CORIN: variants seen among roughly 807,000 people sequenced by gnomAD.
The protein encoded by CORIN is corin, serine peptidase.
CORIN carries 117 observed loss-of-function variants against 125.3 expected under a neutral mutation model. That is an observed-to-expected ratio of 0.93 (90% CI 0.80 to 1.09). CORIN has a LOEUF of 1.09. Ranked by LOEUF, CORIN falls within the 50% of genes least tolerant of loss-of-function variation. The pLI, the probability that CORIN is intolerant of heterozygous loss-of-function variation, is 0.00. For missense variants in CORIN, 1,253 were observed against 1,306.7 expected, an observed-to-expected ratio of 0.96 and a Z score of 0.63; for synonymous variants, 450 against 466.4, an observed-to-expected ratio of 0.96 and a Z score of 0.45.
At chr4:47,706,623 T>A (rs956326146) in intron 5 of CORIN, 96 of 1,605,524 alleles carry the variant, frequency 6.0e-5, no homozygotes, top group African/African-American at 1.7e-4. Context: ...ACGGCAAGCC[T>A]GTCCATCATG....
intron 5 of CORIN, among the ~76,000 whole-genome samples, chr4:47,740,357 A>G (rs980154613): frequency 6.6e-6 from 1 of 151,846 alleles, no homozygotes; most frequent in Admixed American, 6.6e-5. Context: ...AGTTCTACTC[A>G]TTATTGACAG....
chr4:47,664,575 G>A (rs977264926), intron 11 of CORIN, among the ~76,000 whole-genome samples: 5 of 152,158 alleles, frequency 3.3e-5, no homozygotes, highest in African/African-American at 1.2e-4. Flanking sequence ...AACAGGCAGA[G>A]AAATGTCAGC....
At chr4:47,752,347 C>T (rs924413122) in intron 4 of CORIN, among the ~76,000 whole-genome samples, 5 of 152,188 alleles carry the variant, frequency 3.3e-5, no homozygotes, top group African/African-American at 9.6e-5. Context: ...ATCTGCAGCT[C>T]TATCCCTCCT....
chr4:47,661,490 T>G (rs1414274535), intron 12 of CORIN: 1 of 485,248 alleles, frequency 2.1e-6, no homozygotes, highest in Non-Finnish European at 3.6e-6. Flanking sequence ...AGAATAGAAA[T>G]AGAAAATGAC....
intron 5 of CORIN, among the ~76,000 whole-genome samples, chr4:47,696,951 C>T (rs61761815): frequency 6.6e-6 from 1 of 152,138 alleles, no homozygotes; most frequent in Non-Finnish European, 1.5e-5. Flanking sequence ...CCCTTACTTG[C>T]CCTGTCTTTG....
At chr4:47,687,384 G>A (rs1725566527) in intron 6 of CORIN, among the ~76,000 whole-genome samples, 1 of 152,144 alleles carries the variant, frequency 6.6e-6, no homozygotes, top group Non-Finnish European at 1.5e-5. Flanking sequence ...ATTTGAAAAA[G>A]CTGCTTGCTG....
At chr4:47,607,646 C>T (rs1007187832) in intron 19 of CORIN, among the ~76,000 whole-genome samples, 1 of 152,056 alleles carries the variant, frequency 6.6e-6, no homozygotes, top group Non-Finnish European at 1.5e-5. Flanking sequence ...CATGTACATA[C>T]GTGGTGATTG....
At chr4:47,776,372 G>A in intron 3 of CORIN, among the ~76,000 whole-genome samples, 1 of 147,192 alleles carries the variant, frequency 6.8e-6, no homozygotes, top group Admixed American at 6.8e-5. Context: ...TTGAACTTCA[G>A]CCTCCCAGGC....
At chr4:47,672,077 T>G (rs1262535018) in intron 10 of CORIN, among the ~76,000 whole-genome samples, 1 of 152,150 alleles carries the variant, frequency 6.6e-6, no homozygotes, top group African/African-American at 2.4e-5. Flanking sequence ...TTTAAAGAGC[T>G]TAAAGAGAAC....
intron 2 of CORIN, among the ~76,000 whole-genome samples, chr4:47,791,428 A>C (rs1443428757): frequency 6.6e-6 from 1 of 152,228 alleles, no homozygotes; most frequent in Non-Finnish European, 1.5e-5. Flanking sequence ...ATAAATTTGT[A>C]CTATCTTTTT....
intron 19 of CORIN, among the ~76,000 whole-genome samples, chr4:47,618,926 G>A (rs1388356163): frequency 6.6e-6 from 1 of 152,156 alleles, no homozygotes; most frequent in Non-Finnish European, 1.5e-5. Flanking sequence ...TTGGATTGAA[G>A]AGCTGCTGTG....
chr4:47,709,489 G>T lies in CORIN; in HGVS notation c.800-16406C>A, dbSNP rs1227440715. Among the ~76,000 whole-genome samples the T allele has an allele frequency of 3.3e-5, 5 of 152,004 alleles. No individual in the cohort carries two copies. In the East Asian group the frequency reaches 7.7e-4, roughly 24 times the overall value. ...TGTATTTTTTGTAAAAACGGGTTTT[G>T]CCATGTTGCCCAGGCTAGTCTCAAA... On this transcript the variant is annotated intron_variant, in intron 5 of 21. Coordinates refer to ENST00000273857, the MANE Select transcript of CORIN (RefSeq NM_006587.4).
At chr4:47,805,163 T>C (rs1193564380) in intron 2 of CORIN, among the ~76,000 whole-genome samples, 1 of 148,500 alleles carries the variant, frequency 6.7e-6, no homozygotes, top group Non-Finnish European at 1.5e-5. Flanking sequence ...ATAATAATAA[T>C]AATAATAATA....
At chr4:47,614,001 T>C (rs571390482) in intron 19 of CORIN, among the ~76,000 whole-genome samples, 1 of 152,106 alleles carries the variant, frequency 6.6e-6, no homozygotes, top group African/African-American at 2.4e-5. Context: ...AAAGTCTTAC[T>C]TATTGAATGA....
At chr4:47,753,668 T>C (rs1235977703) in intron 4 of CORIN, among the ~76,000 whole-genome samples, 2 of 152,200 alleles carry the variant, frequency 1.3e-5, no homozygotes, top group Non-Finnish European at 2.9e-5. Context: ...AAGAAAAATA[T>C]GGCTGTATTC....
chr4:47,772,797 T>C (rs1383825548), intron 3 of CORIN, among the ~76,000 whole-genome samples: 1 of 152,226 alleles, frequency 6.6e-6, no homozygotes, highest in African/African-American at 2.4e-5. Flanking sequence ...ATCTCATTTG[T>C]GACTCACAAA....
intron 5 of CORIN, among the ~76,000 whole-genome samples, chr4:47,731,880 A>AC (rs1491128899): frequency 1.3e-5 from 2 of 151,332 alleles, no homozygotes; most frequent in East Asian, 3.9e-4. Flanking sequence ...AAAAAAAAAA[A>AC]GAAAAAAAAT....
intron 20 of CORIN, among the ~76,000 whole-genome samples, chr4:47,603,090 C>T (rs768635289): frequency 1.3e-5 from 2 of 152,076 alleles, no homozygotes; most frequent in Non-Finnish European, 2.9e-5. Context: ...ATAATCTCCA[C>T]GTGTAATGGG....
intron 3 of CORIN, among the ~76,000 whole-genome samples, chr4:47,767,009 T>TCCTCC (rs1367913311): frequency 2.7e-5 from 4 of 147,118 alleles, no homozygotes; most frequent in African/African-American, 1.0e-4. Context: ...TAAGCACATA[T>TCCTCC]CCTCCCTCCT....
Sources: allele counts gnomAD v4.1 joint callset (sites outside exome capture counted in the v4.1 genomes callset), GRCh38; gene constraint gnomAD v4.1.1; transcripts MANE v1.5; gene names NCBI Gene and HGNC (gene_info 2026-07-23, HGNC 2026-07-21).